The following DYDC2 variants were observed in gnomAD, a reference collection of about 807,000 sequenced individuals.
The protein encoded by DYDC2 is DPY30 domain containing 2.
A neutral mutation model predicts 18.7 loss-of-function variants in DYDC2; 19 were observed. The ratio of observed to expected loss-of-function variants is 1.02; its 90% confidence interval spans 0.71 to 1.49. The LOEUF is 1.49. Among genes scored for constraint, DYDC2 ranks in the 40% most tolerant of loss-of-function variants. The pLI, the probability that DYDC2 is intolerant of heterozygous loss-of-function variation, is 0.00. For synonymous variants in DYDC2, 63 were observed against 67.6 expected, an observed-to-expected ratio of 0.93 and a Z score of 0.34; for missense variants, 179 against 205.1, an observed-to-expected ratio of 0.87 and a Z score of 0.78.
chr10:80,365,746 G>A (rs1473080578), intron 4 of DYDC2, among the ~76,000 whole-genome samples: 2 of 152,102 alleles, frequency 1.3e-5, no homozygotes, highest in East Asian at 3.9e-4. Flanking sequence ...GGTTCAGTTT[G>A]GATAATTTCT....
At chr10:80,355,919 C>T (rs576242954), upstream of DYDC2, among the ~76,000 whole-genome samples, 3 of 148,938 alleles carry the variant, frequency 2.0e-5, no homozygotes, top group Non-Finnish European at 4.4e-5. Flanking sequence ...CACTGTATTT[C>T]TTCAGTAGGA....
chr10:80,362,531 A>G lies in DYDC2; in HGVS notation c.88A>G (p.Ile30Val), dbSNP rs1423536391. The change falls in exon 3 of 5, where the codon ATA (isoleucine) becomes GTA (valine). Residue 30 changes from isoleucine (I) to valine (V), a missense_variant. By Grantham distance (29) the Ile-to-Val change is conservative. Coordinates refer to ENST00000256039, the MANE Select transcript of DYDC2 (RefSeq NM_032372.6). ...GGCGAAGGTTCGGCCCAGTGACCCA[A>G]TAGAATACCTGGCTCACTGGCTTTA... ...EVAKVRPSDP[I>V]EYLAHWLYHY... The G allele has an allele frequency of 6.2e-6, 10 of 1,613,994 alleles. 1 individual carries two copies. The highest frequency in any genetic ancestry group is 2.2e-5 in the East Asian group (1 of 44,894).
chr10:80,366,079 C>CTGGA (rs1396750607), intron 4 of DYDC2, among the ~76,000 whole-genome samples: 2 of 126,654 alleles, frequency 1.6e-5, no homozygotes, highest in Non-Finnish European at 3.1e-5. Flanking sequence ...GTCACCCAAG[C>CTGGA]TGGAGTGCAG....
intron 4 of DYDC2, among the ~76,000 whole-genome samples, chr10:80,365,748 A>G (rs991771357): frequency 3.3e-5 from 5 of 152,164 alleles, no homozygotes; most frequent in Non-Finnish European, 5.9e-5. Flanking sequence ...TTCAGTTTGG[A>G]TAATTTCTAC....
At position 80,366,819 on chromosome 10, in the gene DYDC2, A is replaced by G. The variant is rs769249195; in HGVS notation, c.402A>G (p.Gln134=). 2 of 1,614,226 alleles carry G rather than the reference A, an allele frequency of 1.2e-6. No individual in the cohort carries two copies. The highest frequency in any genetic ancestry group is 2.2e-5 in the East Asian group (1 of 44,890). The part of the protein sequence containing the change: ...GTSSLIPGMP[Q]QVPPSESAGQ... ...CCAGTCTGATTCCAGGAATGCCTCA[A>G]CAGGTTCCTCCTTCAGAGTCTGCTG... Residue 134 remains glutamine (Q), a synonymous_variant, in exon 5 of 5, where the codon CAA becomes CAG. Coordinates refer to ENST00000256039, the MANE Select transcript of DYDC2 (RefSeq NM_032372.6).
chr10:80,357,794 T>A, intron 1 of DYDC2, 99 bp from the exon 2 acceptor site: 1 of 985,604 alleles, frequency 1.0e-6, no homozygotes, highest in Non-Finnish European at 1.2e-6. Context: ...AGATGTTAGT[T>A]GAGCTAGTAA....
chr10:80,357,954 A>T lies in DYDC2; in HGVS notation c.-101A>T. The T allele has an allele frequency of 1.0e-6, 1 of 984,972 alleles. No individual in the cohort carries two copies. The highest frequency in any genetic ancestry group is 1.2e-6 in the Non-Finnish European group (1 of 829,576). The allele number at this position is 984,972 out of a possible 1,614,324, so 61.0% of individuals were successfully genotyped here. On this transcript the variant is annotated 5_prime_UTR_variant, in exon 2 of 5. Transcript: ENST00000256039. Reference sequence around the variant, plus strand: ...AACAAAGACAACCCCTATTCTTATCACCTTGCCTACTGAGTGCAAGTCCAG... The same window carrying T: ...AACAAAGACAACCCCTATTCTTATCTCCTTGCCTACTGAGTGCAAGTCCAG...
At chr10:80,363,233 A>T (rs1000183720) in intron 4 of DYDC2, among the ~76,000 whole-genome samples, 160 bp downstream of exon 4, 1 of 151,896 alleles carries the variant, frequency 6.6e-6, no homozygotes, top group Admixed American at 6.6e-5. Context: ...ATATAAACCA[A>T]TGTTATTGAC....
At chr10:80,356,455 TCA>T (rs111435972), upstream of DYDC2, 31 of 985,198 alleles carry the variant, frequency 3.1e-5, 1 homozygote, top group African/African-American at 4.2e-4. Context: ...CCCGGGGCGC[TCA>T]GTGTGGTTTT....
At chr10:80,356,705 C>G (rs1054983573), upstream of DYDC2, 21 of 983,682 alleles carry the variant, frequency 2.1e-5, no homozygotes, top group Non-Finnish European at 2.4e-5. Flanking sequence ...CTTTCCGGTG[C>G]GCTCACCCCT....
chr10:80,350,306 C>T (rs1383164962), intron 1 of DYDC2, among the ~76,000 whole-genome samples: 2 of 152,128 alleles, frequency 1.3e-5, no homozygotes, highest in Admixed American at 6.5e-5. Context: ...GTAGTCGAGC[C>T]GAAGAGAGTT....
At position 80,348,918 on chromosome 10, in the gene DYDC2, G is replaced by A. The variant is rs1480296452; in HGVS notation, c.-310+4103G>A. ...ATAAACTTTTTTTTTTTGAGGCGGA[G>A]TCTCGCTCTGTCGCCCAGGCTGGAC... is the stretch of plus-strand genomic sequence containing the variant. On this transcript the variant is annotated intron_variant, in intron 1 of 4. Coordinates refer to the DYDC2 transcript ENST00000372197. 4.6e-5 allele frequency among the ~76,000 whole-genome samples: 7 copies of A among 151,944 alleles called. No homozygotes were observed. The East Asian group carries it at 1.2e-3, about 25-fold the overall frequency.
chr10:80,358,481 T>C (rs956006507), intron 2 of DYDC2, among the ~76,000 whole-genome samples: 3 of 152,194 alleles, frequency 2.0e-5, no homozygotes, highest in African/African-American at 7.2e-5. Context: ...TTAGCGACTG[T>C]TGGGCAAACA....
At chr10:80,358,428 A>G (rs1362891707) in intron 2 of DYDC2, among the ~76,000 whole-genome samples, 1 of 152,212 alleles carries the variant, frequency 6.6e-6, no homozygotes, top group Non-Finnish European at 1.5e-5. Context: ...TCCAGCCCTC[A>G]GATTATGGCT....
chr10:80,360,763 C>CTTT lies in DYDC2; in HGVS notation c.-9-1659_-9-1657dup, dbSNP rs3038615. Among the ~76,000 whole-genome samples the CTTT allele has an allele frequency of 7.0e-3, 981 of 139,666 alleles. 10 individuals carry two copies. Among genetic ancestry groups the CTTT allele is most frequent in the South Asian group, 0.016 (70 of 4,342 alleles). The allele number at this position is 139,666 out of a possible 152,430, so 91.6% of individuals were successfully genotyped here. On this transcript the variant is annotated intron_variant, in intron 2 of 4. Transcript: ENST00000256039. ...TTCTTTCTTCTTCTTTTCTTTCTTTCTTTTTTTTTTTTTTTAGACAGGGTC... is the reference window on the plus strand; with the variant it reads ...TTCTTTCTTCTTCTTTTCTTTCTTTCTTTTTTTTTTTTTTTTTTAGACAGGGTC...
At chr10:80,346,444 C>CTTTTT (rs1032729095) in intron 1 of DYDC2, among the ~76,000 whole-genome samples, 1,855 of 83,328 alleles carry the variant, frequency 0.022, 139 homozygotes, top group South Asian at 0.064. Context: ...TCTTCCCTTT[C>CTTTTT]TTTTTTTTTT....
chr10:80,358,806 G>A (rs1003998037), intron 2 of DYDC2, among the ~76,000 whole-genome samples: 7 of 152,042 alleles, frequency 4.6e-5, no homozygotes, highest in Admixed American at 2.6e-4. Flanking sequence ...ATGAAGCCGT[G>A]GACCCTCACA....
At chr10:80,358,627 G>A (rs1843544658) in intron 2 of DYDC2, among the ~76,000 whole-genome samples, 1 of 152,172 alleles carries the variant, frequency 6.6e-6, no homozygotes, top group Admixed American at 6.5e-5. Flanking sequence ...TGCCTTCGGG[G>A]AAGGACAGTT....
At chr10:80,360,201 A>AT (rs1014766807) in intron 2 of DYDC2, among the ~76,000 whole-genome samples, 25 of 151,988 alleles carry the variant, frequency 1.6e-4, no homozygotes, top group Middle Eastern at 3.4e-3. Flanking sequence ...ACCCCACTCA[A>AT]TTTTTTTTTA....
Sources: allele counts gnomAD v4.1 joint callset (sites outside exome capture counted in the v4.1 genomes callset), GRCh38; gene constraint gnomAD v4.1.1; transcripts MANE v1.5; gene names NCBI Gene and HGNC (gene_info 2026-07-23, HGNC 2026-07-21).